The following TACR1 variants were observed in gnomAD, a reference collection of about 807,000 sequenced individuals.
TACR1 encodes tachykinin receptor 1, also known as substance-P receptor.
A neutral mutation model predicts 35.8 loss-of-function variants in TACR1; 25 were observed. That is an observed-to-expected ratio of 0.70 (90% CI 0.51 to 0.98). The LOEUF is 0.98. TACR1 is among the 50% of genes least tolerant of loss of function. The probability of loss-of-function intolerance (pLI) is 0.00; values close to 1 mark genes in which losing one functional copy is unlikely to be tolerated. For missense variants in TACR1, 478 were observed against 522.9 expected (o/e 0.91, Z 0.84); for synonymous variants, 195 against 206.7 (o/e 0.94, Z 0.48).
intron 1 of TACR1, among the ~76,000 whole-genome samples, chr2:75,192,668 A>G (rs1450397382): frequency 6.6e-6 from 1 of 152,190 alleles, no homozygotes; most frequent in Non-Finnish European, 1.5e-5. Context: ...GCATGTAGGC[A>G]GATGTCTAAG....
At position 75,091,972 on chromosome 2, in the gene TACR1, C is replaced by T. The variant is rs115387030; in HGVS notation, c.584+28602G>A. Among the ~76,000 whole-genome samples the T allele has an allele frequency of 8.3e-3, 1,271 of 152,298 alleles. 6 individuals are homozygous for T. The highest frequency in any genetic ancestry group is 0.013 in the Non-Finnish European group (917 of 68,026). ...GTCTTCATCTATTAAATAAGGACAA[C>T]GATATCTATCTCCAAAGATTGTGAG... On this transcript the variant is annotated intron_variant, in intron 2 of 4. Coordinates refer to ENST00000305249, the MANE Select transcript of TACR1 (RefSeq NM_001058.4).
At chr2:75,077,865 T>C (rs1052091822) in intron 2 of TACR1, among the ~76,000 whole-genome samples, 5 of 152,184 alleles carry the variant, frequency 3.3e-5, no homozygotes, top group African/African-American at 4.8e-5. Flanking sequence ...TCCTCCAATT[T>C]CCCAATTTTA....
rs373550087 is a variant in TACR1 at position 75,162,490 on chromosome 2, A to T, written c.389+36056T>A. 1.6e-4 allele frequency among the ~76,000 whole-genome samples: 24 copies of T among 152,352 alleles called. No individual in the cohort carries two copies. In the South Asian group the frequency reaches 1.9e-3, roughly 12 times the overall value. ...TTACAATATTTAGTTCTTCTATTTT[A>T]GGAAAGAGAACCTTGGGACTAGAAT... On this transcript the variant is annotated intron_variant, in intron 1 of 4. Transcript: ENST00000305249.
At chr2:75,141,884 A>G (rs902242499) in intron 1 of TACR1, among the ~76,000 whole-genome samples, 5 of 152,130 alleles carry the variant, frequency 3.3e-5, no homozygotes, top group Non-Finnish European at 7.4e-5. Flanking sequence ...CATCTGCCCT[A>G]CTGTGAGAGT....
At chr2:75,101,219 TAAG>T (rs1351094413) in intron 2 of TACR1, among the ~76,000 whole-genome samples, 3 of 152,234 alleles carry the variant, frequency 2.0e-5, no homozygotes, top group East Asian at 3.9e-4. Context: ...TAGCTTCTAA[TAAG>T]AAGATATTCC....
chr2:75,055,428 C>T (rs533715224), intron 2 of TACR1, among the ~76,000 whole-genome samples: 26 of 152,320 alleles, frequency 1.7e-4, no homozygotes, highest in African/African-American at 6.3e-4. Context: ...AGCCTCAGGG[C>T]TCTCCAACCA....
chr2:75,197,570 C>A (rs1676025046), intron 1 of TACR1, among the ~76,000 whole-genome samples: 1 of 152,168 alleles, frequency 6.6e-6, no homozygotes, highest in Non-Finnish European at 1.5e-5. Context: ...ACAAAGGAGA[C>A]AATACCAACA....
In TACR1 at chr2:75,165,465, T is replaced by C. The variant is rs571995434; in HGVS notation, c.389+33081A>G. 5.3e-5 allele frequency among the ~76,000 whole-genome samples: 8 copies of C among 152,102 alleles called. No homozygotes were observed. The East Asian group carries it at 1.5e-3, about 29-fold the overall frequency. On this transcript the variant is annotated intron_variant, in intron 1 of 4. Transcript: ENST00000305249. The stretch of plus-strand genomic sequence containing the variant: ...CTGGGACTACAGGCAACCGCCACCA[T>C]GCCCAGCTAATTTTTTGTATTTTTA...
chr2:75,174,489 G>A (rs938625019), intron 1 of TACR1, among the ~76,000 whole-genome samples: 1 of 152,166 alleles, frequency 6.6e-6, no homozygotes, highest in Admixed American at 6.5e-5. Flanking sequence ...GTGGGACAGT[G>A]TGAAACTTCA....
chr2:75,147,531 A>G (rs538285391), intron 1 of TACR1, among the ~76,000 whole-genome samples: 6 of 152,198 alleles, frequency 3.9e-5, no homozygotes, highest in African/African-American at 1.2e-4. Context: ...TAAGACCCGC[A>G]TGTATCAGCT....
At chr2:75,147,535 A>G (rs961835484) in intron 1 of TACR1, among the ~76,000 whole-genome samples, 1 of 152,186 alleles carries the variant, frequency 6.6e-6, no homozygotes, top group East Asian at 1.9e-4. Context: ...ACCCGCATGT[A>G]TCAGCTATTC....
chr2:75,127,089 C>T (rs866823278), intron 1 of TACR1, among the ~76,000 whole-genome samples: 9 of 152,332 alleles, frequency 5.9e-5, no homozygotes, highest in South Asian at 4.1e-4. Flanking sequence ...CCCTCTGGCT[C>T]TTCTTCTGAA....
At chr2:75,106,014 T>A (rs1226779580) in intron 2 of TACR1, among the ~76,000 whole-genome samples, 1 of 152,006 alleles carries the variant, frequency 6.6e-6, no homozygotes, top group Non-Finnish European at 1.5e-5. Context: ...GGATTTTAGT[T>A]ATGAATTATT....
At chr2:75,117,571 C>G (rs1252157572) in intron 2 of TACR1, among the ~76,000 whole-genome samples, 1 of 152,158 alleles carries the variant, frequency 6.6e-6, no homozygotes, top group Admixed American at 6.5e-5. Flanking sequence ...ACTTACATCT[C>G]TCAATGCTTC....
Position 75,049,125 on chromosome 2 carries a change from T to C in TACR1, c.*307A>G, listed in dbSNP as rs1291454706. ...ATTCATCCTGAAATGAGCACTCGCA[T>C]GCAGCCAAAGTCACTTCCAGAATGG... On this transcript the variant is annotated 3_prime_UTR_variant, in exon 5 of 5. Coordinates refer to ENST00000305249, the MANE Select transcript of TACR1 (RefSeq NM_001058.4). 2 of 340,090 alleles carry C rather than the reference T, an allele frequency of 5.9e-6. No homozygotes were observed. The highest frequency in any genetic ancestry group is 4.2e-5 in the African/African-American group (2 of 48,056). The allele number at this position is 340,090 out of a possible 1,614,324, so 21.1% of individuals were successfully genotyped here. A position where few individuals can be genotyped will look rare whatever the true frequency, so the allele number is the denominator to read the frequency against.
chr2:75,132,693 T>TTTGTTGATGCC (rs1674201224), intron 1 of TACR1, among the ~76,000 whole-genome samples: 1 of 152,218 alleles, frequency 6.6e-6, no homozygotes, highest in African/African-American at 2.4e-5. Flanking sequence ...TCTTTGAGGA[T>TTTGTTGATGCC]TTGTTGATGC....
chr2:75,111,435 A>G (rs531284531), intron 2 of TACR1, among the ~76,000 whole-genome samples: 57 of 152,186 alleles, frequency 3.7e-4, no homozygotes, highest in African/African-American at 1.4e-3. Context: ...GGATTCCACA[A>G]TCAAATAAGT....
intron 1 of TACR1, among the ~76,000 whole-genome samples, chr2:75,178,923 C>T (rs536406490): frequency 6.6e-6 from 1 of 152,326 alleles, no homozygotes; most frequent in South Asian, 2.1e-4. Context: ...GAAAATGTCT[C>T]TATCTCCCTC....
Position 75,120,606 on chromosome 2 carries a change from C to G in TACR1, c.552G>C (p.Trp184Cys). 6.2e-7 allele frequency: 1 copy of G among 1,609,020 alleles called. No individual in the cohort carries two copies. The change falls in exon 2 of 5, where the codon TGG becomes TGC. Residue 184 changes from tryptophan (W) to cysteine (C), a missense_variant. Trp to Cys is a radical substitution (Grantham distance 215). Coordinates refer to ENST00000305249, the MANE Select transcript of TACR1 (RefSeq NM_001058.4). ...CATAAATCTTGTTCGGATGCTCTGG[C>G]CATTCGATCATGCACACGACTCTGC... ...MPSRVVCMIE[W>C]PEHPNKIYEK...
Sources: allele counts gnomAD v4.1 joint callset (sites outside exome capture counted in the v4.1 genomes callset), GRCh38; gene constraint gnomAD v4.1.1; transcripts MANE v1.5; gene names NCBI Gene and HGNC (gene_info 2026-07-23, HGNC 2026-07-21).